The following PLEKHH1 variants were observed in gnomAD, a reference collection of about 807,000 sequenced individuals.
PLEKHH1 encodes pleckstrin homology, MyTH4 and FERM domain containing H1, also known as pleckstrin homology domain-containing family H member 1.
PLEKHH1 carries 104 observed loss-of-function variants against 160.0 expected under a neutral mutation model. The ratio of observed to expected loss-of-function variants is 0.65; its 90% CI spans 0.55 to 0.76. The LOEUF (loss-of-function observed/expected upper bound fraction) is 0.76. Ranked by LOEUF, PLEKHH1 falls within the 30% of genes least tolerant of loss-of-function variation. PLEKHH1 has a pLI of 0.00. For synonymous variants in PLEKHH1, 619 were observed against 678.4 expected (o/e 0.91, Z 1.36); for missense variants, 1,427 against 1,724.1 (o/e 0.83, Z 3.05).
At chr14:67,536,154 G>A (rs532818711) in intron 1 of PLEKHH1, among the ~76,000 whole-genome samples, 8 of 148,966 alleles carry the variant, frequency 5.4e-5, no homozygotes, top group African/African-American at 1.0e-4. Context: ...AGGTTCCTGC[G>A]GCCTAGGACA....
At chr14:67,563,528 G>T (rs1192536410) in intron 7 of PLEKHH1, among the ~76,000 whole-genome samples, 2 of 152,018 alleles carry the variant, frequency 1.3e-5, no homozygotes, top group Non-Finnish European at 2.9e-5. Context: ...CTGCCTCCTG[G>T]GTTCAATCAA....
At position 67,578,223 on chromosome 14, in the gene PLEKHH1, G is replaced by C; in HGVS notation, c.2751+24G>C. The C allele has an allele frequency of 6.2e-7, 1 of 1,605,766 alleles. No individual in the cohort carries two copies. The highest frequency in any genetic ancestry group is 8.5e-7 in the Non-Finnish European group (1 of 1,174,000). On this transcript the variant is annotated intron_variant, in intron 19 of 28. Transcript: ENST00000329153. The surrounding 1 kb of genome is among the most constrained non-coding windows in gnomAD (Gnocchi z 5.0). ...AGGTAGGCATGCCAGGGGTGGAGCAGCTGACAGAAGCCATTGGCAAGGGCT... is the reference window on the plus strand; with the variant it reads ...AGGTAGGCATGCCAGGGGTGGAGCACCTGACAGAAGCCATTGGCAAGGGCT...
At chr14:67,559,488 C>A in intron 4 of PLEKHH1, 120 bp from the exon 5 acceptor site, 1 of 653,356 alleles carries the variant, frequency 1.5e-6, no homozygotes, top group South Asian at 1.8e-5. Flanking sequence ...ACGATTTCTG[C>A]TCACTGGCTT....
intron 4 of PLEKHH1, among the ~76,000 whole-genome samples, chr14:67,557,935 G>A (rs906938757): frequency 6.6e-5 from 10 of 152,312 alleles, no homozygotes; most frequent in African/African-American, 1.7e-4. Flanking sequence ...ATGGTCAGTC[G>A]TGGCCAGCTG....
Position 67,582,068 on chromosome 14 carries a change from G to A in PLEKHH1, c.3285-1G>A. ...CTGGTTTCTTATTCTCTTCTTTGTA[G>A]GCTGTACTTTCGCAGTCAAGTCAAA... On this transcript the variant is annotated splice_acceptor_variant, in intron 23 of 28. Coordinates refer to ENST00000329153, the MANE Select transcript of PLEKHH1 (RefSeq NM_020715.3). LOFTEE classifies it high-confidence loss of function. The surrounding 1 kb of genome is among the most constrained non-coding windows in gnomAD (Gnocchi z 5.0). 3.7e-6 allele frequency: 6 copies of A among 1,608,168 alleles called. No individual in the cohort carries two copies. Among genetic ancestry groups the A allele is most frequent in the Non-Finnish European group, 5.1e-6 (6 of 1,177,460 alleles).
chr14:67,584,815 A>AT (rs894064499), intron 26 of PLEKHH1, among the ~76,000 whole-genome samples: 1 of 151,996 alleles, frequency 6.6e-6, no homozygotes. Flanking sequence ...AATCGTATTC[A>AT]TTTTTTTCTC....
intron 2 of PLEKHH1, among the ~76,000 whole-genome samples, chr14:67,546,780 C>T (rs982936698): frequency 5.9e-5 from 9 of 152,148 alleles, no homozygotes; most frequent in Non-Finnish European, 1.3e-4. Context: ...GTAGGAGGAT[C>T]GCTTGAGCCA....
chr14:67,572,340 T>G, intron 11 of PLEKHH1, 63 bp downstream of exon 11: 3 of 1,346,140 alleles, frequency 2.2e-6, no homozygotes, highest in Non-Finnish European at 3.0e-6. Flanking sequence ...GCTGGGGCCC[T>G]CAGCACAAGA....
At chr14:67,537,398 T>C (rs946412039) in intron 1 of PLEKHH1, among the ~76,000 whole-genome samples, 1 of 142,930 alleles carries the variant, frequency 7.0e-6, no homozygotes, top group African/African-American at 2.6e-5. Flanking sequence ...AATCTTAGGC[T>C]GGGCGCAGTG....
rs75339412 is a variant in PLEKHH1, at chr14:67,582,401, G to A, written c.3426+191G>A. 0.027 allele frequency: 24,736 copies of A among 924,514 alleles called. 1,041 individuals are homozygous for A. Among genetic ancestry groups the A allele is most frequent in the East Asian group, 0.13 (4,765 of 36,970 alleles). 57.3% of individuals were successfully genotyped at this position (924,514 alleles called of 1,614,324 possible). ...CTCACTCACCGCAGATATAGGATGC[G>A]TGCAGATGGCTGGACTTGGAATCCA... On this transcript the variant is annotated intron_variant, in intron 24 of 28. Coordinates refer to ENST00000329153, the MANE Select transcript of PLEKHH1 (RefSeq NM_020715.3). The surrounding 1 kb of genome is among the most constrained non-coding windows in gnomAD (Gnocchi z 5.0).
rs923149018 is a variant in PLEKHH1, at chr14:67,578,282, C to A, written c.2751+83C>A. The A allele has an allele frequency of 3.1e-6, 4 of 1,282,930 alleles. No individual in the cohort carries two copies. Among genetic ancestry groups the A allele is most frequent in the African/African-American group, 2.9e-5 (2 of 68,928 alleles). The allele number at this position is 1,282,930 out of a possible 1,614,324, so 79.5% of individuals were successfully genotyped here. A position where few individuals can be genotyped will look rare whatever the true frequency, so the allele number is the denominator to read the frequency against. On this transcript the variant is annotated intron_variant, in intron 19 of 28. Transcript: ENST00000329153. This position sits in a 1 kb window ranked among gnomAD's most constrained non-coding sequence, Gnocchi z 5.0. ...GGAAAGGTGGGAGGAGGTGACTGGG[C>A]AGGTATACGGTGAGCCCAGCCAGCG... is the stretch of plus-strand genomic sequence containing the variant.
intron 1 of PLEKHH1, among the ~76,000 whole-genome samples, chr14:67,539,972 G>A (rs946655437): frequency 2.0e-5 from 3 of 152,198 alleles, no homozygotes; most frequent in Non-Finnish European, 2.9e-5. Context: ...GAGGGGAGAA[G>A]CACGATTGGT....
intron 2 of PLEKHH1, among the ~76,000 whole-genome samples, chr14:67,555,075 G>T (rs1270964745): frequency 1.3e-5 from 2 of 152,020 alleles, no homozygotes; most frequent in East Asian, 3.9e-4. Flanking sequence ...GCCACGCTCA[G>T]CTAATTAAAA....
At position 67,578,044 on chromosome 14, in the gene PLEKHH1, G is replaced by A. The variant is rs201045091; in HGVS notation, c.2596G>A (p.Val866Met). 1.4e-5 allele frequency: 22 copies of A among 1,613,752 alleles called. No individual in the cohort carries two copies. Among genetic ancestry groups the A allele is most frequent in the Middle Eastern group, 1.7e-4 (1 of 6,048 alleles). ...CCAGTCCTGCCAGCTCTTCATCAAC[G>A]TGCCGGTGGAAGCTGCCTCGGTGGA... is the stretch of plus-strand genomic sequence containing the variant. ...LFKSCQLFIN[V>M]PVEAASVDYH... Residue 866 changes from valine (V) to methionine (M), a missense_variant, in exon 19 of 29, where the codon GTG becomes ATG. Around this residue, in one of 6 missense-constraint regions of PLEKHH1, gnomAD observed 436 missense variants for 607.5 expected, o/e 0.72. Transcript: ENST00000329153. The surrounding 1 kb of genome is among the most constrained non-coding windows in gnomAD (Gnocchi z 5.0).
rs571635063 is a variant in PLEKHH1 at position 67,557,815 on chromosome 14, C to T, written c.339+397C>T. On this transcript the variant is annotated intron_variant, in intron 4 of 28. Coordinates refer to ENST00000329153, the MANE Select transcript of PLEKHH1 (RefSeq NM_020715.3). The stretch of plus-strand genomic sequence containing the variant: ...CTGTGCCTAGTGTCAGGCACGTGGT[C>T]AGTACTTGGTAAGGAGAACTTTTCT... 3.1e-4 allele frequency among the ~76,000 whole-genome samples: 47 copies of T among 152,322 alleles called. 1 individual carries two copies. Among genetic ancestry groups the T allele is most frequent in the African/African-American group, 1.1e-3 (46 of 41,574 alleles).
rs2035632089 is a variant in PLEKHH1, at chr14:67,576,584, T to C, written c.2461+81T>C. 2 of 716,288 alleles carry C rather than the reference T, an allele frequency of 2.8e-6. No individual in the cohort carries two copies. Among genetic ancestry groups the C allele is most frequent in the East Asian group, 2.6e-5 (1 of 38,724 alleles). The allele number at this position is 716,288 out of a possible 1,614,324, so 44.4% of individuals were successfully genotyped here. On this transcript the variant is annotated intron_variant, in intron 17 of 28. Transcript: ENST00000329153. The surrounding 1 kb of genome is among the most constrained non-coding windows in gnomAD (Gnocchi z 4.0). ...TTGGTCAAGATCCCAAAGAAAGCAG[T>C]GTTGTACCCTGAAGCTGTTTTTAAA...
At chr14:67,567,781 G>A (rs951859010) in intron 7 of PLEKHH1, among the ~76,000 whole-genome samples, 1 of 152,180 alleles carries the variant, frequency 6.6e-6, no homozygotes, top group Non-Finnish European at 1.5e-5. Flanking sequence ...CCAGGTGACA[G>A]CACATCTAGC....
At chr14:67,566,553 T>G (rs1460865117) in intron 7 of PLEKHH1, among the ~76,000 whole-genome samples, 1 of 148,716 alleles carries the variant, frequency 6.7e-6, no homozygotes, top group African/African-American at 2.4e-5. Context: ...AAGACCAACC[T>G]GGGCAACACG....
At chr14:67,559,762 TG>T (rs1284649960) in intron 5 of PLEKHH1, 71 bp downstream of exon 5, 1 of 959,340 alleles carries the variant, frequency 1.0e-6, no homozygotes, top group African/African-American at 1.6e-5. Context: ...CGGAGTTTCC[TG>T]CCCCCTACTG....
Sources: allele counts gnomAD v4.1 joint callset (sites outside exome capture counted in the v4.1 genomes callset), GRCh38; gene constraint gnomAD v4.1.1; regional missense constraint gnomAD v4.1.1; non-coding constraint Gnocchi (gnomAD v3.1); transcripts MANE v1.5; gene names NCBI Gene and HGNC (gene_info 2026-07-23, HGNC 2026-07-21).